Variants in UNC13C observed in about 807,000 individuals in gnomAD.
The protein encoded by UNC13C is unc-13 homolog C.
Under a neutral mutation model 245.4 loss-of-function variants are expected in UNC13C, and 174 were observed. The observed-to-expected ratio is 0.71, with a 90% CI of 0.63 to 0.80. The LOEUF (loss-of-function observed/expected upper bound fraction) is 0.80. Among genes scored for constraint, UNC13C ranks in the 30% least tolerant of loss-of-function variants. UNC13C has a pLI of 0.00. For missense variants in UNC13C, 2,829 were observed against 2,602.9 expected (o/e 1.09, Z -1.89); for synonymous variants, 992 against 895.1 (o/e 1.11, Z -1.93).
At chr15:53,870,685 C>T in the UNC13C span, among the ~76,000 whole-genome samples, 1 of 152,064 alleles carries the variant, frequency 6.6e-6, no homozygotes, top group African/African-American at 2.4e-5. Context: ...GAGTTCAGCA[C>T]TTCATGTACT....
chr15:53,847,757 G>C, the UNC13C span, among the ~76,000 whole-genome samples: 1 of 151,972 alleles, frequency 6.6e-6, no homozygotes, highest in Non-Finnish European at 1.5e-5. Context: ...TGACCCAGTG[G>C]AACAAATACC....
intron 10 of UNC13C, among the ~76,000 whole-genome samples, chr15:54,270,219 A>C (rs577403205): frequency 1.3e-5 from 2 of 152,346 alleles, no homozygotes; most frequent in South Asian, 4.1e-4. Flanking sequence ...TTTTGCAGAA[A>C]GAAATGAGTT....
upstream of UNC13C, among the ~76,000 whole-genome samples, chr15:53,978,244 G>C (rs777863185): frequency 6.6e-6 from 1 of 152,240 alleles, no homozygotes; most frequent in Admixed American, 6.5e-5. Context: ...GCGTCTCCCA[G>C]CGATGAAGCT....
intron 30 of UNC13C, among the ~76,000 whole-genome samples, chr15:54,589,289 CTTT>C (rs71105821): frequency 3.7e-5 from 2 of 53,486 alleles, no homozygotes; most frequent in South Asian, 9.2e-4. Flanking sequence ...TCTTCTTCTT[CTTT>C]TTTTTTTTTT....
At position 54,264,194 on chromosome 15, in the gene UNC13C, G is replaced by A; in HGVS notation, c.3475G>A (p.Gly1159Ser). 2 of 1,584,890 alleles carry A rather than the reference G, an allele frequency of 1.3e-6. No homozygotes were observed. The highest frequency in any genetic ancestry group is 1.7e-6 in the Non-Finnish European group (2 of 1,164,712). ...QRAAEKSSKH[G>S]AEDKTQTIIT... ...AGCAGCAGAAAAGAGTTCTAAACAT[G>A]GTGCCGAAGACAAGACTCAGACCAT... The change falls in exon 9 of 33, where the codon GGT (glycine) becomes AGT (serine). Residue 1159 changes from glycine (G) to serine (S), a missense_variant. Physicochemically the swap from Gly to Ser is moderately conservative, Grantham distance 56 (BLOSUM62 0). Coordinates refer to ENST00000260323, the MANE Select transcript of UNC13C (RefSeq NM_001080534.3).
intron 2 of UNC13C, chr15:54,049,648 C>T: frequency 4.0e-6 from 1 of 248,672 alleles, no homozygotes; most frequent in South Asian, 4.9e-5. Flanking sequence ...CAATTCCACA[C>T]ACTCCAGCAG....
chr15:54,364,918 A>T (rs2039328712), intron 17 of UNC13C, among the ~76,000 whole-genome samples: 1 of 152,168 alleles, frequency 6.6e-6, no homozygotes, highest in African/African-American at 2.4e-5. Flanking sequence ...CTCGGGCATA[A>T]CCACTGTGCA....
At chr15:53,851,927 TC>T in the UNC13C span, among the ~76,000 whole-genome samples, 1 of 152,210 alleles carries the variant, frequency 6.6e-6, no homozygotes, top group Non-Finnish European at 1.5e-5. Flanking sequence ...TTCATCTGTG[TC>T]CTTTTGTCCT....
At chr15:54,332,805 C>T (rs574514165) in intron 15 of UNC13C, among the ~76,000 whole-genome samples, 1 of 152,044 alleles carries the variant, frequency 6.6e-6, no homozygotes, top group South Asian at 2.1e-4. Flanking sequence ...TTATCCTAAA[C>T]ATCTTTTCTT....
chr15:54,426,692 G>A, intron 19 of UNC13C, among the ~76,000 whole-genome samples: 1 of 151,672 alleles, frequency 6.6e-6, no homozygotes, highest in East Asian at 1.9e-4. Context: ...ACCATGGAGT[G>A]TTGTTTAGTC....
intron 2 of UNC13C, among the ~76,000 whole-genome samples, chr15:54,058,775 G>T (rs572212185): frequency 2.0e-5 from 3 of 152,274 alleles, no homozygotes; most frequent in African/African-American, 7.2e-5. Flanking sequence ...GATCATGTGG[G>T]CTTCATCCCT....
intron 30 of UNC13C, among the ~76,000 whole-genome samples, chr15:54,577,835 G>T (rs1039733782): frequency 9.9e-5 from 15 of 152,112 alleles, no homozygotes; most frequent in African/African-American, 3.6e-4. Flanking sequence ...TTTATACTCT[G>T]ATACTTGAAA....
chr15:54,543,625 C>T (rs1328714165), intron 26 of UNC13C, among the ~76,000 whole-genome samples: 1 of 152,048 alleles, frequency 6.6e-6, no homozygotes. Flanking sequence ...CACCACTGAT[C>T]CCACAGAAAT....
intron 19 of UNC13C, among the ~76,000 whole-genome samples, chr15:54,478,467 T>C (rs1048813736): frequency 1.4e-5 from 2 of 146,066 alleles, no homozygotes; most frequent in African/African-American, 5.1e-5. Context: ...AATTTCCCTC[T>C]ACACACTACT....
At chr15:54,612,963 C>T (rs1900201295) in intron 30 of UNC13C, among the ~76,000 whole-genome samples, 1 of 151,784 alleles carries the variant, frequency 6.6e-6, no homozygotes, top group Admixed American at 6.6e-5. Flanking sequence ...TCAGTGGGGT[C>T]CTAATTTTGT....
At chr15:54,070,794 A>G (rs1898286775) in intron 2 of UNC13C, among the ~76,000 whole-genome samples, 1 of 152,142 alleles carries the variant, frequency 6.6e-6, no homozygotes, top group Non-Finnish European at 1.5e-5. Flanking sequence ...AGATAAGGAA[A>G]GTGAAATCCA....
chr15:53,874,074 C>T, the UNC13C span, among the ~76,000 whole-genome samples: 1 of 151,922 alleles, frequency 6.6e-6, no homozygotes, highest in Non-Finnish European at 1.5e-5. Flanking sequence ...CCTCTAGGCT[C>T]CGTCAATTTT....
At chr15:54,616,122 C>T (rs985109464) in intron 30 of UNC13C, among the ~76,000 whole-genome samples, 1 of 151,968 alleles carries the variant, frequency 6.6e-6, no homozygotes, top group African/African-American at 2.4e-5. Flanking sequence ...TTCTTACTAA[C>T]CTCTCATCAA....
the UNC13C span, among the ~76,000 whole-genome samples, chr15:53,907,170 C>G: frequency 6.6e-6 from 1 of 152,094 alleles, no homozygotes; most frequent in African/African-American, 2.4e-5. Context: ...TGTTTCTGAA[C>G]TTTTTCTTTG....
Sources: gnomAD v4.1 joint callset for allele counts (sites outside exome capture counted in the v4.1 genomes callset) on GRCh38, gnomAD v4.1.1 for gene constraint, MANE v1.5 for transcripts, NCBI Gene and HGNC (gene_info 2026-07-23, HGNC 2026-07-21) for gene names.